RBM10: variants seen among roughly 807,000 people sequenced by gnomAD.
The protein encoded by RBM10 is RNA-binding protein 10.
A neutral mutation model predicts 84.9 loss-of-function variants in RBM10; 1 was observed. The observed-to-expected ratio is 0.01, with a 90% CI of 0.00 to 0.06. The LOEUF is 0.06. RBM10 is among the 10% of genes least tolerant of loss of function. RBM10 has a pLI of 1.00. For synonymous variants in RBM10, 326 were observed against 344.5 expected (o/e 0.95, Z 0.60); for missense variants, 438 against 839.0 (o/e 0.52, Z 5.90).
In RBM10 at chrX:47,181,388, T is replaced by C; in HGVS notation, c.1422T>C (p.Asp474=). 1 of 1,207,486 alleles carries C rather than the reference T, an allele frequency of 8.3e-7. No individual in the cohort carries two copies. Among genetic ancestry groups the C allele is most frequent in the Non-Finnish European group, 1.1e-6 (1 of 893,011 alleles). The change falls in exon 13 of 24, where the codon GAT becomes GAC. Residue 474 remains aspartate, a synonymous_variant. Coordinates refer to ENST00000377604, the MANE Select transcript of RBM10 (RefSeq NM_005676.5). Reference sequence around the variant, plus strand: ...CTGGCATCACTGGAACCAAAGGGGATCCCACTGGAGCAGGTGAGCCCCAGC... The same window carrying C: ...CTGGCATCACTGGAACCAAAGGGGACCCCACTGGAGCAGGTGAGCCCCAGC... The part of the protein sequence containing the change: ...KGPGITGTKG[D]PTGAGPEASL...
intron 2 of RBM10, among the ~76,000 whole-genome samples, chrX:47,159,408 CAAAAAAAAAAA>C (rs782318170): frequency 2.6e-5 from 1 of 38,010 alleles, no homozygotes; most frequent in South Asian, 1.6e-3. Flanking sequence ...AACTCCGTCT[CAAAAAAAAAAA>C]AAAAAAAAAG....
At chrX:47,162,440 C>G (rs1556767044) in intron 2 of RBM10, among the ~76,000 whole-genome samples, 1 of 111,648 alleles carries the variant, frequency 9.0e-6, no homozygotes, top group Non-Finnish European at 1.9e-5. Flanking sequence ...TTGTATAGTA[C>G]AATACTATAT....
At position 47,171,084 on chromosome X, in the gene RBM10, C is replaced by T. The variant is rs1349981369; in HGVS notation, c.258C>T (p.His86=). The change falls in exon 4 of 24, where the codon CAC becomes CAT. Residue 86 remains histidine (H), a synonymous_variant. Coordinates refer to ENST00000377604, the MANE Select transcript of RBM10 (RefSeq NM_005676.5). The stretch of plus-strand genomic sequence containing the variant: ...CTCAGCGTAGGCGGCGGCGGCGGCA[C>T]AGGCACAGCCCCACCGGCCCGCCAG... ...SETQRRRRRR[H]RHSPTGPPGF... 3 of 1,210,896 alleles carry T rather than the reference C, an allele frequency of 2.5e-6. No individual in the cohort carries two copies. Among genetic ancestry groups the T allele is most frequent in the Non-Finnish European group, 3.4e-6 (3 of 895,166 alleles).
At position 47,145,357 on chromosome X, in the gene RBM10, C is replaced by G. The variant is rs782231263; in HGVS notation, c.-254C>G. ...GCGCTTGGCGCTTCTCCCCTCCCCC[C>G]GATCTGCCTCCAGTCTCGGACTTGG... On this transcript the variant is annotated 5_prime_UTR_variant, in exon 1 of 24. Transcript: ENST00000377604. 1.0e-6 allele frequency: 1 copy of G among 982,183 alleles called. No homozygotes were observed. The highest frequency in any genetic ancestry group is 2.0e-5 in the South Asian group (1 of 48,972). 80.9% of individuals were successfully genotyped at this position (982,183 alleles called of 1,213,427 possible).
chrX:47,186,148 C>T lies in RBM10; in HGVS notation c.2514C>T (p.Tyr838=), dbSNP rs781920661. Residue 838 remains tyrosine (Y), a synonymous_variant, in exon 22 of 24, where the codon TAC becomes TAT. Transcript: ENST00000377604. ...CGCCAGAGCCCAAGAGGAGGAAGTA[C>T]GGCGGCATATCCACAGCCTCTGTGT... is the stretch of plus-strand genomic sequence containing the variant. The part of the protein sequence containing the change: ...PEPPEPKRRK[Y]GGISTASVDF... The T allele has an allele frequency of 2.4e-5, 29 of 1,212,564 alleles. No homozygotes were observed. Among genetic ancestry groups the T allele is most frequent in the Admixed American group, 4.3e-5 (2 of 46,187 alleles).
Position 47,181,820 on chromosome X carries a change from C to T in RBM10, c.1647C>T (p.Leu549=), listed in dbSNP as rs781885039. Reference sequence around the variant, plus strand: ...GCCCTACCCATCCTAGTTCTGCTCTCCCACCGGCTACCAGCCCCACTGCCC... The same window carrying T: ...GCCCTACCCATCCTAGTTCTGCTCTTCCACCGGCTACCAGCCCCACTGCCC... ...LQSPTHPSSA[L]PPATSPTAQE... Residue 549 remains leucine (L), a synonymous_variant, in exon 15 of 24, where the codon CTC becomes CTT. Transcript: ENST00000377604. 5.0e-6 allele frequency: 6 copies of T among 1,211,620 alleles called. No homozygotes were observed. The South Asian group carries it at 1.1e-4, about 21-fold the overall frequency.
chrX:47,155,590 G>A (rs1473763767), intron 2 of RBM10, among the ~76,000 whole-genome samples: 5 of 106,244 alleles, frequency 4.7e-5, no homozygotes, highest in Non-Finnish European at 7.7e-5. Flanking sequence ...AAAATTAGCC[G>A]GCTGTGGTGG....
At position 47,186,780 on chromosome X, in the gene RBM10, G is replaced by A. The variant is rs781831350; in HGVS notation, c.*181G>A. Reference sequence around the variant, plus strand: ...TGTTGGAAAATTGGGCTGGGATCACGTCCTGTTTTGTAATAAAAGCTGAAA... The same window carrying A: ...TGTTGGAAAATTGGGCTGGGATCACATCCTGTTTTGTAATAAAAGCTGAAA... On this transcript the variant is annotated 3_prime_UTR_variant, in exon 24 of 24. Transcript: ENST00000377604. The A allele has an allele frequency of 1.6e-4, 86 of 549,251 alleles. 1 individual carries two copies. In the East Asian group the frequency reaches 1.8e-3, roughly 11 times the overall value. The allele number at this position is 549,251 out of a possible 1,213,427, so 45.3% of individuals were successfully genotyped here.
intron 17 of RBM10, among the ~76,000 whole-genome samples, chrX:47,182,887 T>C (rs1935647005): frequency 8.9e-6 from 1 of 112,480 alleles, no homozygotes; most frequent in Admixed American, 9.4e-5. Flanking sequence ...TATAAAGTTA[T>C]ACACAAATAA....
At position 47,181,327 on chromosome X, in the gene RBM10, T is replaced by C. The variant is rs781870368; in HGVS notation, c.1361T>C (p.Leu454Pro). Reference sequence around the variant, plus strand: ...AACAGCCAGGGCACAGAGTCTTCCCTCTATGCCCATGGCTACCTCAAGGGC... The same window carrying C: ...AACAGCCAGGGCACAGAGTCTTCCCCCTATGCCCATGGCTACCTCAAGGGC... ...YGNSQGTESS[L>P]YAHGYLKGTK... is the part of the protein sequence containing the mutation. The change falls in exon 13 of 24, where the codon CTC becomes CCC. Residue 454 changes from leucine (L) to proline (P), a missense_variant. Leu to Pro is a moderately conservative substitution (Grantham distance 98). Around this residue, in one of 8 missense-constraint regions of RBM10, gnomAD observed 97 missense variants for 110.3 expected, o/e 0.88. Coordinates refer to ENST00000377604, the MANE Select transcript of RBM10 (RefSeq NM_005676.5). The C allele has an allele frequency of 8.4e-7, 1 of 1,193,919 alleles. No individual in the cohort carries two copies. The highest frequency in any genetic ancestry group is 1.1e-6 in the Non-Finnish European group (1 of 886,922).
At chrX:47,167,127 CATT>C (rs1569181814) in intron 2 of RBM10, among the ~76,000 whole-genome samples, 2 of 111,169 alleles carry the variant, frequency 1.8e-5, no homozygotes, top group Non-Finnish European at 3.8e-5. Flanking sequence ...AGATACACAT[CATT>C]GATATTTTTA....
intron 2 of RBM10, among the ~76,000 whole-genome samples, chrX:47,163,056 C>CA (rs367958692): frequency 0.29 from 26,663 of 90,894 alleles, 3,146 homozygotes; most frequent in African/African-American, 0.38. Context: ...TATGCTTCTC[C>CA]AAAAAAAAAA....
chrX:47,184,192 C>T (rs1449187494), intron 17 of RBM10, among the ~76,000 whole-genome samples: 1 of 111,678 alleles, frequency 9.0e-6, no homozygotes, highest in African/African-American at 3.3e-5. Context: ...TGCAATGGTG[C>T]AATCTCAGCA....
At chrX:47,184,378 G>A (rs1040624344) in intron 17 of RBM10, among the ~76,000 whole-genome samples, 11 of 112,031 alleles carry the variant, frequency 9.8e-5, no homozygotes, top group Non-Finnish European at 1.7e-4. Context: ...TGATCCACCC[G>A]CCTTGGCCTC....
chrX:47,153,767 C>T (rs1472986660), intron 2 of RBM10, among the ~76,000 whole-genome samples: 2 of 111,673 alleles, frequency 1.8e-5, no homozygotes, highest in African/African-American at 6.5e-5. Flanking sequence ...ATCTGTACCT[C>T]GAAAAACTTG....
chrX:47,162,662 T>G (rs1556767135), intron 2 of RBM10, among the ~76,000 whole-genome samples: 2 of 109,340 alleles, frequency 1.8e-5, no homozygotes, highest in Admixed American at 2.0e-4. Flanking sequence ...GATCGTGAAG[T>G]CAGGAGATCG....
rs1158307838 is a variant in RBM10 at position 47,145,231 on chromosome X, T to C, written c.-380T>C. ...AGAGCGCGCTTCCTTAGTAGGTGGA[T>C]GGTGGTCGGAGCGCCGACTCCCTTC... On this transcript the variant is annotated 5_prime_UTR_variant, in exon 1 of 24. It removes an upstream start codon present in the reference 5' UTR. Coordinates refer to ENST00000377604, the MANE Select transcript of RBM10 (RefSeq NM_005676.5). 1 of 454,970 alleles carries C rather than the reference T, an allele frequency of 2.2e-6. No individual in the cohort carries two copies. Among genetic ancestry groups the C allele is most frequent in the Admixed American group, 3.3e-5 (1 of 30,726 alleles). The allele number at this position is 454,970 out of a possible 1,213,427, so 37.5% of individuals were successfully genotyped here. A position where few individuals can be genotyped will look rare whatever the true frequency, so the allele number is the denominator to read the frequency against.
chrX:47,185,670 C>T (rs1556782096), intron 20 of RBM10, 40 bp downstream of exon 20: 1 of 1,209,297 alleles, frequency 8.3e-7, no homozygotes, highest in Non-Finnish European at 1.1e-6. Flanking sequence ...GGGGCCTGGC[C>T]CACTGAGGCT....
chrX:47,181,418 C>G lies in RBM10; in HGVS notation c.1435+17C>G, dbSNP rs1333354516. 8.3e-7 allele frequency: 1 copy of G among 1,206,095 alleles called. No homozygotes were observed. Among genetic ancestry groups the G allele is most frequent in the Non-Finnish European group, 1.1e-6 (1 of 892,658 alleles). ...CTGGAGCAGGTGAGCCCCAGCATCTCTCTCTGCAGCTGTGGTGGGGGCCAG... is the reference window on the plus strand; with the variant it reads ...CTGGAGCAGGTGAGCCCCAGCATCTGTCTCTGCAGCTGTGGTGGGGGCCAG... On this transcript the variant is annotated intron_variant, in intron 13 of 23. Coordinates refer to ENST00000377604, the MANE Select transcript of RBM10 (RefSeq NM_005676.5).
Sources: gnomAD v4.1 joint callset for allele counts (sites outside exome capture counted in the v4.1 genomes callset) on GRCh38, gnomAD v4.1.1 for gene constraint, gnomAD v4.1.1 regional missense constraint, MANE v1.5 for transcripts, NCBI Gene and HGNC (gene_info 2026-07-23, HGNC 2026-07-21) for gene names.